The following ZFHX3 variants were observed in gnomAD, a reference collection of about 807,000 sequenced individuals.
The protein encoded by ZFHX3 is zinc finger homeobox protein 3.
A neutral mutation model predicts 279.1 loss-of-function variants in ZFHX3; 42 were observed. The observed-to-expected ratio is 0.15, with a 90% CI of 0.12 to 0.19. The LOEUF is 0.19. Among genes scored for constraint, ZFHX3 ranks in the 10% least tolerant of loss-of-function variants. The probability of loss-of-function intolerance (pLI) is 1.00; values close to 1 mark genes in which losing one functional copy is unlikely to be tolerated. For synonymous variants in ZFHX3, 2,293 were observed against 1,957.8 expected, an observed-to-expected ratio of 1.17 and a Z score of -4.52; for missense variants, 4,981 against 4,754.0, an observed-to-expected ratio of 1.05 and a Z score of -1.40.
chr16:73,481,612 TG>T (rs1567497138), intron 2 of ZFHX3, among the ~76,000 whole-genome samples: 2 of 145,250 alleles, frequency 1.4e-5, no homozygotes, highest in Non-Finnish European at 3.0e-5. Context: ...ATGTGCGTGG[TG>T]TTGTTTTTTT....
intron 1 of ZFHX3, among the ~76,000 whole-genome samples, chr16:73,787,062 G>T (rs1354410604): frequency 6.6e-6 from 1 of 152,084 alleles, no homozygotes; most frequent in Non-Finnish European, 1.5e-5. Context: ...TATGCTTTTT[G>T]TCCTCAAGAT....
At chr16:72,998,886 T>C (rs1443198310) in intron 1 of ZFHX3, among the ~76,000 whole-genome samples, 1 of 152,250 alleles carries the variant, frequency 6.6e-6, no homozygotes, top group Non-Finnish European at 1.5e-5. Flanking sequence ...AGATCGTCTC[T>C]CTGGGGCTTG....
At chr16:73,045,908 T>C (rs1965281834) in intron 1 of ZFHX3, among the ~76,000 whole-genome samples, 1 of 151,940 alleles carries the variant, frequency 6.6e-6, no homozygotes, top group South Asian at 2.1e-4. Flanking sequence ...TTTTAAAGTC[T>C]AAAAGTGCTC....
At chr16:73,488,191 T>C (rs1366074298) in intron 2 of ZFHX3, among the ~76,000 whole-genome samples, 2 of 152,138 alleles carry the variant, frequency 1.3e-5, no homozygotes, top group African/African-American at 4.8e-5. Flanking sequence ...GGAGCTAATG[T>C]AAGAGCTGCA....
At chr16:73,604,408 G>A (rs1266455809) in intron 2 of ZFHX3, among the ~76,000 whole-genome samples, 2 of 152,058 alleles carry the variant, frequency 1.3e-5, no homozygotes. Flanking sequence ...GGAAACATAG[G>A]TCAACTCATC....
chr16:73,641,141 G>A (rs1033087332), intron 2 of ZFHX3, among the ~76,000 whole-genome samples: 2 of 152,172 alleles, frequency 1.3e-5, no homozygotes, highest in African/African-American at 4.8e-5. Context: ...AGACAGTTAA[G>A]TTCTCAAGAC....
chr16:73,046,355 A>G (rs1194101748), intron 1 of ZFHX3, among the ~76,000 whole-genome samples: 3 of 152,176 alleles, frequency 2.0e-5, no homozygotes, highest in African/African-American at 7.2e-5. Context: ...GATAACAAGG[A>G]GCAGACTCAT....
At chr16:73,345,142 C>G (rs760794786) in intron 3 of ZFHX3, among the ~76,000 whole-genome samples, 1 of 152,098 alleles carries the variant, frequency 6.6e-6, no homozygotes, top group African/African-American at 2.4e-5. Flanking sequence ...GGATTTAAAT[C>G]TTTTTATACG....
At chr16:73,451,117 A>G (rs575798095) in intron 3 of ZFHX3, among the ~76,000 whole-genome samples, 1 of 152,304 alleles carries the variant, frequency 6.6e-6, no homozygotes, top group Non-Finnish European at 1.5e-5. Context: ...TGGAGCAATG[A>G]TGCTGCCTCA....
chr16:73,585,457 G>A lies in ZFHX3; in HGVS notation c.-1547+94723C>T, dbSNP rs188332301. 2.0e-5 allele frequency among the ~76,000 whole-genome samples: 3 copies of A among 152,188 alleles called. No homozygotes were observed. In the East Asian group the frequency reaches 5.8e-4, roughly 29 times the overall value. ...CACACTGGGGCTTGTCGGGAGGTGG[G>A]GGCAGGGAGAGCATAAAAGACAAAT... On this transcript the variant is annotated intron_variant, in intron 2 of 17. Transcript: ENST00000641206.
At chr16:73,022,643 G>A (rs751379950) in intron 1 of ZFHX3, among the ~76,000 whole-genome samples, 15 of 152,136 alleles carry the variant, frequency 9.9e-5, no homozygotes, top group Non-Finnish European at 2.1e-4. Flanking sequence ...CGCTGAAACT[G>A]AGTTTCAGTC....
chr16:73,129,708 A>ATGTGTATGTGTGTG (rs1966641237), intron 7 of ZFHX3, among the ~76,000 whole-genome samples: 1 of 126,860 alleles, frequency 7.9e-6, no homozygotes, highest in South Asian at 2.5e-4. Flanking sequence ...ATGTGTGTGC[A>ATGTGTATGTGTGTG]TGTGTATGTG....
intron 1 of ZFHX3, among the ~76,000 whole-genome samples, chr16:73,726,661 G>C (rs2053521393): frequency 6.6e-6 from 1 of 152,174 alleles, no homozygotes; most frequent in Non-Finnish European, 1.5e-5. Context: ...CATGGCAGAA[G>C]GCAAAGCAGG....
At chr16:73,375,180 G>C (rs1376143432) in intron 3 of ZFHX3, among the ~76,000 whole-genome samples, 1 of 151,830 alleles carries the variant, frequency 6.6e-6, no homozygotes, top group East Asian at 1.9e-4. Flanking sequence ...CATTCATTTT[G>C]AATCATTATA....
chr16:73,077,106 C>T (rs1965893899), intron 8 of ZFHX3, among the ~76,000 whole-genome samples: 1 of 152,152 alleles, frequency 6.6e-6, no homozygotes, highest in African/African-American at 2.4e-5. Context: ...AGGATAGGAG[C>T]TCAGTTGCCC....
chr16:73,263,002 G>A (rs778762778), intron 4 of ZFHX3, among the ~76,000 whole-genome samples: 3 of 152,074 alleles, frequency 2.0e-5, no homozygotes, highest in Non-Finnish European at 4.4e-5. Context: ...CCACCGAGTT[G>A]GTTCAGATTA....
intron 1 of ZFHX3, among the ~76,000 whole-genome samples, chr16:73,836,359 A>G (rs1054447677): frequency 6.6e-6 from 1 of 152,234 alleles, no homozygotes; most frequent in African/African-American, 2.4e-5. Context: ...TTATAGGCTG[A>G]ATCAATTTAA....
chr16:73,360,898 A>G (rs931428864), intron 3 of ZFHX3, among the ~76,000 whole-genome samples: 2 of 152,156 alleles, frequency 1.3e-5, no homozygotes, highest in African/African-American at 4.8e-5. Context: ...GCAGGGATCC[A>G]TGCAAAAAAA....
At chr16:73,517,295 T>A (rs1290957172) in intron 2 of ZFHX3, among the ~76,000 whole-genome samples, 1 of 152,204 alleles carries the variant, frequency 6.6e-6, no homozygotes, top group Non-Finnish European at 1.5e-5. Context: ...GGCTCACTCA[T>A]TTCCTTTGCA....
Sources: gnomAD v4.1 joint callset for allele counts (sites outside exome capture counted in the v4.1 genomes callset) on GRCh38, gnomAD v4.1.1 for gene constraint, MANE v1.5 for transcripts, NCBI Gene and HGNC (gene_info 2026-07-23, HGNC 2026-07-21) for gene names.